Variants in SYTL5 observed in about 807,000 individuals in gnomAD.
SYTL5 encodes synaptotagmin-like protein 5.
In SYTL5, 34 loss-of-function variants were observed where a neutral mutation model predicts 55.9. That is an observed-to-expected ratio of 0.61 (90% confidence interval 0.46 to 0.81). The LOEUF is 0.81. Ranked by LOEUF, SYTL5 falls within the 30% of genes least tolerant of loss-of-function variation. The pLI, the probability that SYTL5 is intolerant of heterozygous loss-of-function variation, is 0.00. For synonymous variants in SYTL5, 221 were observed against 188.7 expected (o/e 1.17, Z -1.40); for missense variants, 637 against 546.7 (o/e 1.17, Z -1.65).
chrX:38,100,693 G>A (rs1033861896), intron 9 of SYTL5, among the ~76,000 whole-genome samples: 3 of 111,243 alleles, frequency 2.7e-5, no homozygotes, highest in Non-Finnish European at 5.7e-5. Flanking sequence ...TATACTACTG[G>A]TTAGACTGTA....
chrX:38,062,029 G>A (rs1417741382), intron 3 of SYTL5, among the ~76,000 whole-genome samples: 4 of 110,088 alleles, frequency 3.6e-5, no homozygotes, highest in East Asian at 2.8e-4. Flanking sequence ...GTGCAGTGGC[G>A]CAATCTCGAC....
At chrX:37,917,552 C>G in the SYTL5 span, among the ~76,000 whole-genome samples, 1 of 112,033 alleles carries the variant, frequency 8.9e-6, no homozygotes, top group Non-Finnish European at 1.9e-5. Context: ...GTCTATTCAT[C>G]TATCTCTTTC....
At chrX:38,041,021 G>A (rs922824475) in intron 2 of SYTL5, among the ~76,000 whole-genome samples, 4 of 111,737 alleles carry the variant, frequency 3.6e-5, no homozygotes, top group Non-Finnish European at 7.5e-5. Context: ...GTTGAAATGC[G>A]CCACTAAATA....
chrX:38,014,513 A>G (rs1013925090), intron 1 of SYTL5, among the ~76,000 whole-genome samples: 2 of 112,089 alleles, frequency 1.8e-5, no homozygotes, highest in African/African-American at 3.2e-5. Context: ...TTTTGCCAAG[A>G]TTATGGATGT....
chrX:37,992,726 G>T, the SYTL5 span, among the ~76,000 whole-genome samples: 2 of 112,592 alleles, frequency 1.8e-5, no homozygotes, highest in African/African-American at 6.5e-5. Flanking sequence ...TAGGCCACTG[G>T]CTGTGAGAAC....
At chrX:38,048,400 C>A (rs1249076970) in intron 2 of SYTL5, among the ~76,000 whole-genome samples, 3 of 109,340 alleles carry the variant, frequency 2.7e-5, no homozygotes, top group African/African-American at 1.0e-4. Flanking sequence ...GCCTGTTCCC[C>A]AGTTTCAAAG....
Position 38,127,068 on chromosome X carries a change from CA to C in SYTL5, c.*341del, listed in dbSNP as rs759157998. 15 of 149,259 alleles carry C rather than the reference CA, an allele frequency of 1.0e-4. No individual in the cohort carries two copies. The South Asian group carries it at 4.4e-3, about 44-fold the overall frequency. The allele number at this position is 149,259 out of a possible 1,213,427, so 12.3% of individuals were successfully genotyped here. A position where few individuals can be genotyped will look rare whatever the true frequency, so the allele number is the denominator to read the frequency against. ...AATTATAAGTTACTTTAGATTTCCT[CA>C]AATCCTTTGAAGAGAAAGAGGACCA... is the stretch of plus-strand genomic sequence containing the variant. On this transcript the variant is annotated 3_prime_UTR_variant, in exon 17 of 17. Coordinates refer to ENST00000297875, the MANE Select transcript of SYTL5 (RefSeq NM_138780.3).
chrX:37,889,701 T>C, the SYTL5 span, among the ~76,000 whole-genome samples: 3 of 111,130 alleles, frequency 2.7e-5, no homozygotes, highest in Non-Finnish European at 5.7e-5. Context: ...CTTGGATATT[T>C]TAATCTCAAT....
At chrX:38,064,046 A>G (rs1936026909) in intron 3 of SYTL5, among the ~76,000 whole-genome samples, 1 of 98,827 alleles carries the variant, frequency 1.0e-5, no homozygotes, top group Non-Finnish European at 2.0e-5. Context: ...AAAAAGTGTC[A>G]GTATAGATAT....
At chrX:37,895,541 C>T in the SYTL5 span, among the ~76,000 whole-genome samples, 1 of 103,068 alleles carries the variant, frequency 9.7e-6, no homozygotes, top group Admixed American at 1.1e-4. Context: ...CTCTCTCCTT[C>T]CTTCCTTCCT....
chrX:38,084,397 G>A (rs565422945), intron 6 of SYTL5, among the ~76,000 whole-genome samples: 127 of 112,294 alleles, frequency 1.1e-3, no homozygotes, highest in Middle Eastern at 4.6e-3. Flanking sequence ...TAAACACAAA[G>A]AGGGGGTCAT....
chrX:37,958,222 CA>C, the SYTL5 span, among the ~76,000 whole-genome samples: 1 of 104,795 alleles, frequency 9.5e-6, no homozygotes, highest in Admixed American at 1.0e-4. Flanking sequence ...AAAAAAAAAA[CA>C]AAAAAAACCC....
the SYTL5 span, among the ~76,000 whole-genome samples, chrX:37,903,183 C>A: frequency 6.3e-4 from 70 of 110,300 alleles, no homozygotes; most frequent in African/African-American, 2.2e-3. Context: ...CATTCGACCC[C>A]GCCATCCCAT....
At chrX:38,051,847 A>G (rs1935632113) in intron 2 of SYTL5, among the ~76,000 whole-genome samples, 1 of 111,283 alleles carries the variant, frequency 9.0e-6, no homozygotes, top group African/African-American at 3.3e-5. Flanking sequence ...CAAAGAGCTG[A>G]TATTCTGCCT....
the SYTL5 span, among the ~76,000 whole-genome samples, chrX:37,942,303 T>G: frequency 2.7e-4 from 30 of 112,150 alleles, no homozygotes; most frequent in African/African-American, 8.7e-4. Flanking sequence ...CATCTCCTAC[T>G]TAAATGAGTC....
the SYTL5 span, among the ~76,000 whole-genome samples, chrX:37,960,810 A>ATTTTTTTTATTTT: frequency 7.9e-5 from 7 of 88,585 alleles, no homozygotes; most frequent in African/African-American, 2.9e-4. Flanking sequence ...TTATTTATTT[A>ATTTTTTTTATTTT]TTTGAGATGG....
rs1188863455 is a variant in SYTL5, at chrX:38,043,692, CATATATATAT to C, written c.119+9686_119+9695del. On this transcript the variant is annotated intron_variant, in intron 2 of 16. Coordinates refer to ENST00000297875, the MANE Select transcript of SYTL5 (RefSeq NM_138780.3). ...ATATATATATATATATATATATATA[CATATATATAT>C]ACATATTTTCATATAGCTGGAAATT... Among the ~76,000 whole-genome samples, 63 of 46,334 alleles carry C rather than the reference CATATATATAT, an allele frequency of 1.4e-3. 1 individual carries two copies. The highest frequency in any genetic ancestry group is 0.013 in the Middle Eastern group (1 of 78). The allele number at this position is 46,334 out of a possible 115,157, so 40.2% of individuals were successfully genotyped here.
chrX:37,912,995 G>T, the SYTL5 span, among the ~76,000 whole-genome samples: 4 of 111,803 alleles, frequency 3.6e-5, no homozygotes, highest in Admixed American at 1.9e-4. Context: ...TAATTGTGTT[G>T]TGTGGTACTT....
the SYTL5 span, among the ~76,000 whole-genome samples, chrX:37,987,718 G>T: frequency 8.9e-6 from 1 of 111,766 alleles, no homozygotes; most frequent in Non-Finnish European, 1.9e-5. Flanking sequence ...GTAGATATTT[G>T]CCTGACTTTC....
Sources: gnomAD v4.1 joint callset for allele counts (sites outside exome capture counted in the v4.1 genomes callset) on GRCh38, gnomAD v4.1.1 for gene constraint, MANE v1.5 for transcripts, NCBI Gene and HGNC (gene_info 2026-07-23, HGNC 2026-07-21) for gene names.